LRRC63: variants seen among roughly 807,000 people sequenced by gnomAD.
LRRC63 encodes the protein leucine-rich repeat-containing protein 63.
LRRC63 carries 40 observed loss-of-function variants against 49.5 expected under a neutral mutation model. The ratio of observed to expected loss-of-function variants is 0.81; its 90% confidence interval spans 0.63 to 1.05. The LOEUF is 1.05. LRRC63 is among the 50% of genes least tolerant of loss of function. LRRC63 has a pLI of 0.00. For synonymous variants in LRRC63, 191 were observed against 221.1 expected, an observed-to-expected ratio of 0.86 and a Z score of 1.21; for missense variants, 636 against 663.1, an observed-to-expected ratio of 0.96 and a Z score of 0.45.
chr13:46,255,073 T>A (rs61949187), intron 7 of LRRC63, among the ~76,000 whole-genome samples: 2,554 of 152,290 alleles, frequency 0.017, 41 homozygotes, highest in Non-Finnish European at 0.024. Flanking sequence ...ACATAGAACA[T>A]TATTCATCTT....
exon 5 of LRRC63, chr13:46,234,232 T>C (rs1320080255): frequency 1.3e-6 from 2 of 1,550,244 alleles, no homozygotes; most frequent in East Asian, 4.9e-5. Context: ...AGATACACGT[T>C]GTACGTGGTG....
chr13:46,252,497 T>A (rs1471971471), intron 7 of LRRC63, among the ~76,000 whole-genome samples: 1 of 152,086 alleles, frequency 6.6e-6, no homozygotes, highest in African/African-American at 2.4e-5. Context: ...GAAGCATCTA[T>A]TAATACTGTG....
chr13:46,228,114 G>C (rs1179644372), exon 3 of LRRC63: 3 of 1,550,416 alleles, frequency 1.9e-6, no homozygotes, highest in Non-Finnish European at 2.6e-6. Flanking sequence ...GACACTAAGA[G>C]TTACTGAATT....
intron 6 of LRRC63, 98 bp downstream of exon 6, chr13:46,246,723 G>T (rs2047224430): frequency 2.0e-6 from 1 of 509,920 alleles, no homozygotes; most frequent in Non-Finnish European, 3.1e-6. Context: ...TTACTATAAA[G>T]TACTGTAAAT....
At chr13:46,267,624 G>T (rs1476861836) in intron 9 of LRRC63, among the ~76,000 whole-genome samples, 1 of 152,152 alleles carries the variant, frequency 6.6e-6, no homozygotes, top group African/African-American at 2.4e-5. Context: ...TCAATAAAAG[G>T]CAGAAAACCT....
At chr13:46,266,971 T>C (rs1323664636) in exon 9 of LRRC63, 15 of 1,526,676 alleles carry the variant, frequency 9.8e-6, no homozygotes, top group Admixed American at 8.6e-5. Context: ...GTTACTAAAA[T>C]GGTGAGCAAA....
rs565031966 is a variant in LRRC63 at position 46,258,408 on chromosome 13, C to T, written c.1227-3501C>T. ...CCTCCCAAAGTGCTGGGATTACAGG[C>T]GTGAGCCCCCGCACCCAGCCCTGAC... On this transcript the variant is annotated intron_variant, in intron 7 of 9. Coordinates refer to ENST00000595396, the Ensembl canonical transcript of LRRC63. Among the ~76,000 whole-genome samples, 52 of 150,396 alleles carry T rather than the reference C, an allele frequency of 3.5e-4. 1 individual carries two copies. The highest frequency in any genetic ancestry group is 3.4e-3 in the Middle Eastern group (1 of 292).
At chr13:46,255,344 T>C (rs1242566455) in intron 7 of LRRC63, among the ~76,000 whole-genome samples, 1 of 152,072 alleles carries the variant, frequency 6.6e-6, no homozygotes, top group Non-Finnish European at 1.5e-5. Context: ...GTTCTGGAAA[T>C]ACATATAGTG....
intron 9 of LRRC63, chr13:46,270,385 C>G: frequency 2.3e-6 from 2 of 855,718 alleles, no homozygotes; most frequent in Non-Finnish European, 4.1e-6. Flanking sequence ...AGATTTACTG[C>G]TCAGATGGCG....
At chr13:46,247,752 A>G (rs1360987346) in intron 6 of LRRC63, among the ~76,000 whole-genome samples, 1 of 152,154 alleles carries the variant, frequency 6.6e-6, no homozygotes, top group East Asian at 1.9e-4. Flanking sequence ...ATTTCATGGA[A>G]AATTCAAAAT....
chr13:46,274,162 G>A (rs2047799562), intron 9 of LRRC63, among the ~76,000 whole-genome samples: 1 of 152,076 alleles, frequency 6.6e-6, no homozygotes, highest in Admixed American at 6.6e-5. Context: ...AAAGTAATAA[G>A]TATGGGTATG....
intron 2 of LRRC63, among the ~76,000 whole-genome samples, chr13:46,215,570 G>T (rs966522890): frequency 6.6e-6 from 1 of 152,030 alleles, no homozygotes; most frequent in Non-Finnish European, 1.5e-5. Context: ...TAGGCTGCCT[G>T]TTCACTCTGA....
intron 7 of LRRC63, among the ~76,000 whole-genome samples, chr13:46,255,141 T>C (rs773188725): frequency 3.3e-5 from 5 of 152,176 alleles, no homozygotes; most frequent in African/African-American, 4.8e-5. Flanking sequence ...GAAAACATTA[T>C]GCTAGGTGGA....
chr13:46,216,921 T>C (rs1466394268), intron 2 of LRRC63, among the ~76,000 whole-genome samples: 1 of 152,074 alleles, frequency 6.6e-6, no homozygotes, highest in Non-Finnish European at 1.5e-5. Flanking sequence ...ATTTGATTTA[T>C]GTATGTTGAA....
chr13:46,273,392 G>A (rs1335373380), intron 9 of LRRC63, among the ~76,000 whole-genome samples: 1 of 152,062 alleles, frequency 6.6e-6, no homozygotes, highest in Non-Finnish European at 1.5e-5. Context: ...CATGAGGTCA[G>A]GAGATCGAGA....
intron 5 of LRRC63, among the ~76,000 whole-genome samples, chr13:46,239,936 T>C (rs2047007010): frequency 6.6e-6 from 1 of 152,150 alleles, no homozygotes; most frequent in African/African-American, 2.4e-5. Flanking sequence ...AAAAGGCTTT[T>C]AATAAAATTC....
chr13:46,227,644 T>C (rs1279857761), exon 3 of LRRC63: 2 of 1,550,298 alleles, frequency 1.3e-6, no homozygotes, highest in Admixed American at 3.9e-5. Context: ...ATCCAAAATA[T>C]CTTTCTTGAT....
intron 7 of LRRC63, 60 bp from the exon 8 acceptor site, chr13:46,261,849 A>G (rs2047619529): frequency 2.0e-6 from 1 of 499,176 alleles, no homozygotes; most frequent in Non-Finnish European, 3.2e-6. Flanking sequence ...TCAAGTACTT[A>G]TTTATTCCCA....
At chr13:46,257,142 G>A (rs2047525142) in intron 7 of LRRC63, among the ~76,000 whole-genome samples, 1 of 152,178 alleles carries the variant, frequency 6.6e-6, no homozygotes, top group Admixed American at 6.5e-5. Flanking sequence ...GAAGATGGAG[G>A]AAGGGAGCCA....
Sources: gnomAD v4.1 joint callset for allele counts (sites outside exome capture counted in the v4.1 genomes callset) on GRCh38, gnomAD v4.1.1 for gene constraint, MANE v1.5 for transcripts, NCBI Gene and HGNC (gene_info 2026-07-23, HGNC 2026-07-21) for gene names.